Variants in INPP4B observed in about 807,000 individuals in gnomAD.
INPP4B encodes inositol polyphosphate 4-phosphatase type II.
A neutral mutation model predicts 122.5 loss-of-function variants in INPP4B; 55 were observed. That is an observed-to-expected ratio of 0.45 (90% CI 0.36 to 0.56). The LOEUF (loss-of-function observed/expected upper bound fraction) is 0.56, where lower values mean the gene tolerates loss of function less well. Ranked by LOEUF, INPP4B falls within the 20% of genes least tolerant of loss-of-function variation. The pLI, the probability that INPP4B is intolerant of heterozygous loss-of-function variation, is 0.00. For synonymous variants in INPP4B, 403 were observed against 388.7 expected, an observed-to-expected ratio of 1.04 and a Z score of -0.43; for missense variants, 1,000 against 1,097.7, an observed-to-expected ratio of 0.91 and a Z score of 1.26.
In INPP4B at chr4:142,720,767, C is replaced by CATATATATATAA. The variant is rs1560996461; in HGVS notation, c.-191+5071_-191+5072insTTATATATATAT. On this transcript the variant is annotated intron_variant, in intron 2 of 25. Transcript: ENST00000262992. Reference sequence around the variant, plus strand: ...ATATATACATATATATATAATCTCTCTCTCTCTCTCTCTCTCTCTCTCTCT... The same window carrying CATATATATATAA: ...ATATATACATATATATATAATCTCTCATATATATATAATCTCTCTCTCTCTCTCTCTCTCTCT... 7.0e-3 allele frequency among the ~76,000 whole-genome samples: 98 copies of CATATATATATAA among 14,024 alleles called. 1 individual carries two copies. The highest frequency in any genetic ancestry group is 0.042 in the Middle Eastern group (1 of 24). 9.2% of individuals were successfully genotyped at this position (14,024 alleles called of 152,430 possible).
chr4:142,307,382 G>T (rs1054079807), intron 8 of INPP4B, among the ~76,000 whole-genome samples: 1 of 151,808 alleles, frequency 6.6e-6, no homozygotes, highest in African/African-American at 2.4e-5. Context: ...TATTTATTTT[G>T]CACCTCTCCA....
chr4:142,144,256 C>T (rs1202012438), intron 18 of INPP4B, among the ~76,000 whole-genome samples: 1 of 143,276 alleles, frequency 7.0e-6, no homozygotes. Flanking sequence ...CACACACACA[C>T]ACACACACAC....
At chr4:142,768,926 A>G (rs1772581763) in intron 1 of INPP4B, among the ~76,000 whole-genome samples, 1 of 152,194 alleles carries the variant, frequency 6.6e-6, no homozygotes, top group Non-Finnish European at 1.5e-5. Context: ...TGCTAGAAGT[A>G]TGGAGGATCG....
chr4:142,141,949 C>A (rs1395741346), intron 18 of INPP4B, among the ~76,000 whole-genome samples: 1 of 151,936 alleles, frequency 6.6e-6, no homozygotes, highest in Non-Finnish European at 1.5e-5. Context: ...TCACAATAAT[C>A]AAAACCCTAT....
intron 2 of INPP4B, among the ~76,000 whole-genome samples, chr4:142,529,492 T>G (rs956439000): frequency 6.6e-6 from 1 of 152,066 alleles, no homozygotes; most frequent in Non-Finnish European, 1.5e-5. Flanking sequence ...ATGATTCTTC[T>G]CATGAAGAAT....
At chr4:142,430,219 T>G (rs537044244) in intron 4 of INPP4B, among the ~76,000 whole-genome samples, 3 of 152,218 alleles carry the variant, frequency 2.0e-5, no homozygotes, top group South Asian at 4.1e-4. Flanking sequence ...GTAACTATAT[T>G]TTTTCTCCTG....
chr4:142,536,188 A>T (rs1439380825), intron 2 of INPP4B, among the ~76,000 whole-genome samples: 1 of 152,240 alleles, frequency 6.6e-6, no homozygotes, highest in Non-Finnish European at 1.5e-5. Flanking sequence ...TTTCCCAATT[A>T]TCTGTATAAG....
intron 2 of INPP4B, among the ~76,000 whole-genome samples, chr4:142,535,104 T>C (rs750064555): frequency 2.0e-5 from 3 of 152,194 alleles, no homozygotes; most frequent in Non-Finnish European, 2.9e-5. Context: ...TAAATGACTA[T>C]ATTTATGTAT....
intron 11 of INPP4B, among the ~76,000 whole-genome samples, chr4:142,255,667 A>G (rs1290435415): frequency 6.6e-6 from 1 of 152,180 alleles, no homozygotes; most frequent in Non-Finnish European, 1.5e-5. Context: ...TCCTAAATAT[A>G]TATATACCCA....
intron 7 of INPP4B, among the ~76,000 whole-genome samples, chr4:142,364,820 G>T (rs1265508321): frequency 6.6e-6 from 1 of 152,064 alleles, no homozygotes; most frequent in African/African-American, 2.4e-5. Flanking sequence ...GAGAGAATCA[G>T]CTATGCAACT....
At chr4:142,845,702 C>G (rs920833841) in intron 1 of INPP4B, among the ~76,000 whole-genome samples, 4 of 152,144 alleles carry the variant, frequency 2.6e-5, no homozygotes, top group Non-Finnish European at 4.4e-5. Context: ...ACCACTGCCT[C>G]TATTCCTTAA....
intron 2 of INPP4B, among the ~76,000 whole-genome samples, chr4:142,642,245 T>G (rs528662504): frequency 6.6e-6 from 1 of 152,342 alleles, no homozygotes; most frequent in Non-Finnish European, 1.5e-5. Context: ...GTAGTTTCTT[T>G]TGCTGTGCAG....
intron 11 of INPP4B, among the ~76,000 whole-genome samples, chr4:142,253,660 G>A (rs1036200975): frequency 6.6e-6 from 1 of 152,210 alleles, no homozygotes; most frequent in African/African-American, 2.4e-5. Context: ...CTTAAAAAAC[G>A]GCGCACCAGG....
At chr4:142,800,700 T>G (rs775774913) in intron 1 of INPP4B, among the ~76,000 whole-genome samples, 6 of 152,190 alleles carry the variant, frequency 3.9e-5, no homozygotes, top group Non-Finnish European at 5.9e-5. Context: ...GATGTTATAG[T>G]ATAATACTGA....
intron 15 of INPP4B, among the ~76,000 whole-genome samples, chr4:142,182,885 T>C (rs1831515268): frequency 6.6e-6 from 1 of 152,168 alleles, no homozygotes; most frequent in African/African-American, 2.4e-5. Flanking sequence ...TATAATAGTC[T>C]AATTGTTTGC....
intron 2 of INPP4B, among the ~76,000 whole-genome samples, chr4:142,504,239 T>C (rs929857313): frequency 2.6e-5 from 4 of 151,814 alleles, no homozygotes; most frequent in African/African-American, 9.7e-5. Flanking sequence ...GAAAGAACAG[T>C]TCACAGAGGA....
rs1580974648 is a variant in INPP4B at position 142,811,309 on chromosome 4, G to A, written c.-254+34900C>T. Among the ~76,000 whole-genome samples, 3 of 152,328 alleles carry A rather than the reference G, an allele frequency of 2.0e-5. No homozygotes were observed. In the East Asian group the frequency reaches 5.8e-4, roughly 29 times the overall value. ...TGGCAAGGAAGGCAGCATTAGTGCA[G>A]ATGTTGTTGACAGAGGAGAGGGCCA... On this transcript the variant is annotated intron_variant, in intron 1 of 25. Coordinates refer to ENST00000262992, the MANE Select transcript of INPP4B (RefSeq NM_001101669.3).
chr4:142,327,517 G>T (rs1456765844), intron 7 of INPP4B, among the ~76,000 whole-genome samples: 1 of 151,678 alleles, frequency 6.6e-6, no homozygotes, highest in Non-Finnish European at 1.5e-5. Flanking sequence ...TCCTGTTTGT[G>T]TCCAGGCAAA....
At chr4:142,453,462 AT>A (rs926102330) in intron 3 of INPP4B, among the ~76,000 whole-genome samples, 3 of 152,168 alleles carry the variant, frequency 2.0e-5, no homozygotes, top group African/African-American at 7.2e-5. Context: ...TTATTTTGAA[AT>A]TTAACATTTC....
Sources: gnomAD v4.1 joint callset for allele counts (sites outside exome capture counted in the v4.1 genomes callset) on GRCh38, gnomAD v4.1.1 for gene constraint, MANE v1.5 for transcripts, NCBI Gene and HGNC (gene_info 2026-07-23, HGNC 2026-07-21) for gene names.